Variants in ALCAM observed in about 807,000 individuals in gnomAD.
The protein encoded by ALCAM is CD166 antigen.
Under a neutral mutation model 70.9 loss-of-function variants are expected in ALCAM, and 30 were observed. That is an observed-to-expected ratio of 0.42 (90% CI 0.32 to 0.57). The LOEUF is 0.57. Ranked by LOEUF, ALCAM falls within the 20% of genes least tolerant of loss-of-function variation. ALCAM has a pLI of 0.11. For missense variants in ALCAM, 591 were observed against 695.1 expected (o/e 0.85, Z 1.68); for synonymous variants, 249 against 242.5 (o/e 1.03, Z -0.25).
intron 14 of ALCAM, among the ~76,000 whole-genome samples, chr3:105,554,008 G>A (rs1450774806): frequency 1.3e-5 from 2 of 151,716 alleles, no homozygotes; most frequent in African/African-American, 4.8e-5. Context: ...TCCTCATCTT[G>A]GCCTTTCTCT....
intron 3 of ALCAM, among the ~76,000 whole-genome samples, chr3:105,526,508 T>TG (rs1334402362): frequency 1.3e-5 from 2 of 152,104 alleles, no homozygotes; most frequent in African/African-American, 4.8e-5. Flanking sequence ...TTTTTGATGT[T>TG]GTTGAAAACA....
At chr3:105,479,879 G>A (rs796741302) in intron 1 of ALCAM, among the ~76,000 whole-genome samples, 3 of 151,840 alleles carry the variant, frequency 2.0e-5, no homozygotes, top group East Asian at 3.9e-4. Flanking sequence ...TGAACCATAC[G>A]TTATACTATG....
At chr3:105,379,110 A>C (rs1935449392) in intron 1 of ALCAM, among the ~76,000 whole-genome samples, 1 of 151,996 alleles carries the variant, frequency 6.6e-6, no homozygotes. Flanking sequence ...TTGTTAATTG[A>C]GGATAGCAGC....
At chr3:105,412,604 TG>T (rs1038303162) in intron 1 of ALCAM, among the ~76,000 whole-genome samples, 15 of 152,244 alleles carry the variant, frequency 9.9e-5, no homozygotes, top group African/African-American at 3.6e-4. Context: ...AGTGTCATAT[TG>T]TTTCTTTTAC....
chr3:105,566,518 T>A (rs551521596), intron 14 of ALCAM, among the ~76,000 whole-genome samples: 2 of 152,172 alleles, frequency 1.3e-5, no homozygotes, highest in African/African-American at 4.8e-5. Flanking sequence ...CTTCTGTCCT[T>A]CCATCCTGCC....
intron 1 of ALCAM, among the ~76,000 whole-genome samples, chr3:105,442,514 G>C (rs1056182613): frequency 2.6e-5 from 4 of 152,158 alleles, no homozygotes; most frequent in Non-Finnish European, 5.9e-5. Flanking sequence ...AGGCGCGGTG[G>C]CTCACGCCTG....
At chr3:105,394,586 A>G (rs1232478161) in intron 1 of ALCAM, among the ~76,000 whole-genome samples, 1 of 152,018 alleles carries the variant, frequency 6.6e-6, no homozygotes, top group Non-Finnish European at 1.5e-5. Flanking sequence ...AAGGAATTTT[A>G]ACAAGTTTTC....
At chr3:105,453,266 G>T (rs1016255491) in intron 1 of ALCAM, among the ~76,000 whole-genome samples, 1 of 152,172 alleles carries the variant, frequency 6.6e-6, no homozygotes, top group African/African-American at 2.4e-5. Context: ...ATAAGGAAGG[G>T]TTCCAGTTTC....
chr3:105,551,405 G>A (rs554460240), intron 12 of ALCAM, among the ~76,000 whole-genome samples: 10 of 151,596 alleles, frequency 6.6e-5, no homozygotes, highest in Non-Finnish European at 1.2e-4. Flanking sequence ...TAATATAGTC[G>A]TTTTCAAATT....
At chr3:105,419,722 A>G (rs569203849) in intron 1 of ALCAM, among the ~76,000 whole-genome samples, 38 of 152,008 alleles carry the variant, frequency 2.5e-4, no homozygotes, top group African/African-American at 8.7e-4. Flanking sequence ...TATTTTTCCA[A>G]TTGAAGTAGC....
intron 12 of ALCAM, 49 bp from the exon 13 acceptor site, chr3:105,552,095 A>G: frequency 2.1e-6 from 3 of 1,413,116 alleles, no homozygotes; most frequent in East Asian, 2.4e-5. Flanking sequence ...TGACTTTCAT[A>G]TATCAACAAA....
intron 1 of ALCAM, among the ~76,000 whole-genome samples, chr3:105,384,340 A>G (rs1483162467): frequency 6.6e-6 from 1 of 151,618 alleles, no homozygotes; most frequent in Non-Finnish European, 1.5e-5. Flanking sequence ...TGAGAACTTA[A>G]TAGTTTTAAG....
intron 1 of ALCAM, among the ~76,000 whole-genome samples, chr3:105,397,840 A>G (rs1181314112): frequency 6.6e-6 from 1 of 152,140 alleles, no homozygotes; most frequent in African/African-American, 2.4e-5. Context: ...AAAATATGTA[A>G]AATAATGCTT....
chr3:105,462,257 A>G (rs1301930663), intron 1 of ALCAM, among the ~76,000 whole-genome samples: 1 of 151,598 alleles, frequency 6.6e-6, no homozygotes, highest in Admixed American at 6.6e-5. Flanking sequence ...TGTAAGTAAT[A>G]TTATTATACT....
At chr3:105,412,688 C>T (rs1936419592) in intron 1 of ALCAM, among the ~76,000 whole-genome samples, 1 of 152,032 alleles carries the variant, frequency 6.6e-6, no homozygotes, top group South Asian at 2.1e-4. Flanking sequence ...CCCCAGAAGT[C>T]AACATGAGGA....
chr3:105,399,109 T>C (rs909890188), intron 1 of ALCAM, among the ~76,000 whole-genome samples: 21 of 152,142 alleles, frequency 1.4e-4, no homozygotes, highest in African/African-American at 4.6e-4. Flanking sequence ...ATTTTTGTCA[T>C]TTTTTTAAAA....
At chr3:105,466,340 T>C (rs532976148) in intron 1 of ALCAM, among the ~76,000 whole-genome samples, 1 of 151,592 alleles carries the variant, frequency 6.6e-6, no homozygotes, top group East Asian at 1.9e-4. Flanking sequence ...ATAGCAGCCA[T>C]TTCAGCAATC....
At chr3:105,414,608 G>A (rs1286707153) in intron 1 of ALCAM, among the ~76,000 whole-genome samples, 1 of 152,088 alleles carries the variant, frequency 6.6e-6, no homozygotes, top group Non-Finnish European at 1.5e-5. Context: ...ACTTGGATTT[G>A]AGAAAGCTCA....
At chr3:105,533,558 C>A in intron 4 of ALCAM, 45 bp from the exon 5 acceptor site, 2 of 1,539,188 alleles carry the variant, frequency 1.3e-6, no homozygotes, top group Non-Finnish European at 1.8e-6. Context: ...AAATTGACAG[C>A]CCCTGATTGA....
Sources: gnomAD v4.1 joint callset for allele counts (sites outside exome capture counted in the v4.1 genomes callset) on GRCh38, gnomAD v4.1.1 for gene constraint, MANE v1.5 for transcripts, NCBI Gene and HGNC (gene_info 2026-07-23, HGNC 2026-07-21) for gene names.